The following SLC39A11 variants were observed in gnomAD, a reference collection of about 807,000 sequenced individuals.
SLC39A11 encodes zinc transporter ZIP11.
A neutral mutation model predicts 36.1 loss-of-function variants in SLC39A11; 33 were observed. The ratio of observed to expected loss-of-function variants is 0.91; its 90% confidence interval spans 0.69 to 1.22. The LOEUF (loss-of-function observed/expected upper bound fraction) is 1.22, where lower values mean the gene tolerates loss of function less well. Ranked by LOEUF, SLC39A11 falls within the 50% of genes most tolerant of loss-of-function variation. The pLI is 0.00. For missense variants in SLC39A11, 432 were observed against 430.3 expected (o/e 1.00, Z -0.03); for synonymous variants, 166 against 170.3 (o/e 0.97, Z 0.20).
rs1273752018 is a variant in SLC39A11, at chr17:72,762,179, A to G, written c.602-25460T>C. ...GGCTGCATTCCCAGGAGGTTAAGGCATTCTAAGTCACAGGATGAGATAGGA... is the reference window on the plus strand; with the variant it reads ...GGCTGCATTCCCAGGAGGTTAAGGCGTTCTAAGTCACAGGATGAGATAGGA... On this transcript the variant is annotated intron_variant, in intron 6 of 9. Transcript: ENST00000255559. Among the ~76,000 whole-genome samples the G allele has an allele frequency of 2.0e-5, 3 of 152,352 alleles. No individual in the cohort carries two copies. In the East Asian group the frequency reaches 5.8e-4, roughly 29 times the overall value.
intron 7 of SLC39A11, among the ~76,000 whole-genome samples, chr17:72,729,424 T>A (rs1246555943): frequency 4.4e-4 from 1 of 2,262 alleles, no homozygotes; most frequent in African/African-American, 1.4e-3. Context: ...TATATATATA[T>A]ATATATATAT....
intron 3 of SLC39A11, among the ~76,000 whole-genome samples, chr17:73,038,492 A>T (rs1183694360): frequency 6.6e-6 from 1 of 150,634 alleles, no homozygotes; most frequent in Non-Finnish European, 1.5e-5. Flanking sequence ...TGAGGTCAGG[A>T]GTTCAAGACC....
At chr17:73,040,654 T>G (rs2059074861) in intron 3 of SLC39A11, among the ~76,000 whole-genome samples, 1 of 152,206 alleles carries the variant, frequency 6.6e-6, no homozygotes, top group South Asian at 2.1e-4. Context: ...TCTTAAAATC[T>G]AAAATACTTC....
intron 3 of SLC39A11, among the ~76,000 whole-genome samples, chr17:73,050,461 A>AATTTTTTTTTTTT: frequency 7.5e-6 from 1 of 133,562 alleles, no homozygotes; most frequent in African/African-American, 3.0e-5. Flanking sequence ...ATGTGAACTG[A>AATTTTTTTTTTTT]CTTTTTTTTT....
At chr17:73,091,611 C>A (rs1249401164) in intron 1 of SLC39A11, among the ~76,000 whole-genome samples, 1 of 152,108 alleles carries the variant, frequency 6.6e-6, no homozygotes, top group Admixed American at 6.5e-5. Flanking sequence ...AAGTTTCTGG[C>A]AGAGTCCCAA....
chr17:72,744,793 C>T (rs982777905), intron 6 of SLC39A11, among the ~76,000 whole-genome samples: 9 of 152,226 alleles, frequency 5.9e-5, no homozygotes, highest in African/African-American at 2.2e-4. Flanking sequence ...CTCCCCAAAG[C>T]CTCACTTCCT....
chr17:72,965,176 C>G (rs911321949), intron 4 of SLC39A11, among the ~76,000 whole-genome samples: 1 of 151,656 alleles, frequency 6.6e-6, no homozygotes, highest in Non-Finnish European at 1.5e-5. Context: ...TGCAGCACAC[C>G]AACATGGCAC....
intron 7 of SLC39A11, among the ~76,000 whole-genome samples, chr17:72,663,226 C>T (rs2070557022): frequency 6.6e-6 from 1 of 152,202 alleles, no homozygotes; most frequent in South Asian, 2.1e-4. Context: ...TGAAATTTTA[C>T]AAACAACACG....
intron 5 of SLC39A11, among the ~76,000 whole-genome samples, chr17:72,914,883 A>AATAAATAAATAAATAAATAAATAAATCC (rs2083244696): frequency 6.6e-6 from 1 of 152,050 alleles, no homozygotes. Flanking sequence ...TAAATAAATA[A>AATAAATAAATAAATAAATAAATAAATCC]ATAAAATTGA....
chr17:72,720,971 C>T (rs2073638579), intron 7 of SLC39A11, among the ~76,000 whole-genome samples: 1 of 152,068 alleles, frequency 6.6e-6, no homozygotes, highest in Non-Finnish European at 1.5e-5. Context: ...CCAGGCTCTC[C>T]CACTTAGCTT....
At chr17:72,657,848 T>C (rs1045908038) in intron 7 of SLC39A11, among the ~76,000 whole-genome samples, 1 of 152,244 alleles carries the variant, frequency 6.6e-6, no homozygotes, top group African/African-American at 2.4e-5. Flanking sequence ...AATGGTCTGA[T>C]GCAAATTTTG....
At chr17:72,908,287 G>C (rs1299734824) in intron 5 of SLC39A11, among the ~76,000 whole-genome samples, 6 of 152,194 alleles carry the variant, frequency 3.9e-5, no homozygotes, top group Non-Finnish European at 7.3e-5. Context: ...CTTTTTCTCA[G>C]ATAAAGAATA....
chr17:72,740,518 A>T (rs2074647497), intron 6 of SLC39A11, among the ~76,000 whole-genome samples: 1 of 152,178 alleles, frequency 6.6e-6, no homozygotes, highest in African/African-American at 2.4e-5. Context: ...ACCTCAAACT[A>T]TGGTACATAT....
chr17:72,668,563 A>C (rs1353432451), intron 7 of SLC39A11, among the ~76,000 whole-genome samples: 1 of 152,238 alleles, frequency 6.6e-6, no homozygotes. Flanking sequence ...TAACTCAGCA[A>C]TGTGCAGAGG....
At chr17:72,911,750 T>G (rs80200357) in intron 5 of SLC39A11, among the ~76,000 whole-genome samples, 77,490 of 151,770 alleles carry the variant, frequency 0.51, 19,740 homozygotes, top group African/African-American at 0.53. Context: ...TTCAAGCAAT[T>G]CTACCACCTC....
intron 7 of SLC39A11, among the ~76,000 whole-genome samples, chr17:72,680,370 T>C (rs2144292635): frequency 6.6e-6 from 1 of 152,290 alleles, no homozygotes; most frequent in Non-Finnish European, 1.5e-5. Flanking sequence ...TCATCTTGAA[T>C]TGTAGCTCCC....
chr17:72,674,049 T>C (rs2071143027), intron 7 of SLC39A11, among the ~76,000 whole-genome samples: 1 of 152,030 alleles, frequency 6.6e-6, no homozygotes, highest in Admixed American at 6.6e-5. Flanking sequence ...GCCTGGGCAA[T>C]GAAGTGAGAC....
intron 7 of SLC39A11, among the ~76,000 whole-genome samples, chr17:72,692,185 G>T (rs1041588303): frequency 6.6e-6 from 1 of 151,936 alleles, no homozygotes; most frequent in Non-Finnish European, 1.5e-5. Flanking sequence ...CTAATTTTTT[G>T]TATTTTTAGT....
At chr17:73,025,130 C>T (rs929696254) in intron 4 of SLC39A11, among the ~76,000 whole-genome samples, 1 of 152,146 alleles carries the variant, frequency 6.6e-6, no homozygotes, top group Admixed American at 6.5e-5. Context: ...GTTGAGGACT[C>T]AGATAAATTA....
Sources: gnomAD v4.1 joint callset for allele counts (sites outside exome capture counted in the v4.1 genomes callset) on GRCh38, gnomAD v4.1.1 for gene constraint, MANE v1.5 for transcripts, NCBI Gene and HGNC (gene_info 2026-07-23, HGNC 2026-07-21) for gene names.